Variants in YJU2 observed in about 807,000 individuals in gnomAD.
The protein encoded by YJU2 is YJU2 splicing factor homolog, also known as splicing factor YJU2.
A neutral mutation model predicts 39.6 loss-of-function variants in YJU2; 28 were observed. The observed-to-expected ratio is 0.71, with a 90% CI of 0.52 to 0.97. YJU2 has a LOEUF of 0.97. Ranked by LOEUF, YJU2 falls within the 50% of genes least tolerant of loss-of-function variation. The pLI is 0.00. For synonymous variants in YJU2, 184 were observed against 182.4 expected, an observed-to-expected ratio of 1.01 and a Z score of -0.07; for missense variants, 328 against 430.4, an observed-to-expected ratio of 0.76 and a Z score of 2.11.
chr19:4,256,181 A>AAAAAATATATATATATATAT (rs1001505791), intron 4 of YJU2, among the ~76,000 whole-genome samples: 1 of 125,898 alleles, frequency 7.9e-6, no homozygotes, highest in African/African-American at 3.1e-5. Flanking sequence ...AAAAAAAAAA[A>AAAAAATATATATATATATAT]ATATATATAT....
At position 4,258,233 on chromosome 19, in the gene YJU2, G is replaced by A. The variant is rs535247115; in HGVS notation, c.406-9G>A. 5 of 1,550,680 alleles carry A rather than the reference G, an allele frequency of 3.2e-6. No individual in the cohort carries two copies. The highest frequency in any genetic ancestry group is 3.5e-6 in the Non-Finnish European group (4 of 1,146,744). On this transcript the variant is annotated splice_polypyrimidine_tract_variant and intron_variant, in intron 4 of 7. Transcript: ENST00000262962. ...CATGCACTCAGCCCCGCCGCCCCGC[G>A]CCCGCCAGGTGCTGGAGAACCGGAC...
In YJU2 at chr19:4,247,620, T is replaced by C. The variant is rs1467206427; in HGVS notation, c.24+450T>C. 9.8e-3 allele frequency among the ~76,000 whole-genome samples: 213 copies of C among 21,748 alleles called. 21 individuals are homozygous for C. The highest frequency in any genetic ancestry group is 0.022 in the East Asian group (16 of 742). 14.3% of individuals were successfully genotyped at this position (21,748 alleles called of 152,430 possible). A position where few individuals can be genotyped will look rare whatever the true frequency, so the allele number is the denominator to read the frequency against. ...GTGTGTGTGTGTGTGTGTGTGTGTGTGTGTGTGTGTGTGTGTGTGTGTGTG... is the reference window on the plus strand; with the variant it reads ...GTGTGTGTGTGTGTGTGTGTGTGTGCGTGTGTGTGTGTGTGTGTGTGTGTG... On this transcript the variant is annotated intron_variant, in intron 1 of 7. Transcript: ENST00000262962.
chr19:4,255,727 CAAAAAAAA>C (rs58736061), intron 4 of YJU2, among the ~76,000 whole-genome samples: 4 of 103,744 alleles, frequency 3.9e-5, no homozygotes, highest in African/African-American at 6.1e-5. Flanking sequence ...GATTCTGTGT[CAAAAAAAA>C]AAAAAAAAAA....
intron 5 of YJU2, 107 bp from the exon 6 acceptor site, chr19:4,261,887 C>A (rs1403779069): frequency 1.8e-5 from 21 of 1,146,206 alleles, no homozygotes; most frequent in East Asian, 7.2e-5. Flanking sequence ...TCACTGAGGG[C>A]AGGAAGAGGT....
chr19:4,254,517 T>C, intron 4 of YJU2, 28 bp downstream of exon 4: 2 of 1,549,530 alleles, frequency 1.3e-6, no homozygotes, highest in East Asian at 2.4e-5. Context: ...TAGGTGTTCA[T>C]GGGCGCTGTG....
intron 2 of YJU2, among the ~76,000 whole-genome samples, chr19:4,250,524 G>C (rs928554300): frequency 6.6e-6 from 1 of 152,080 alleles, no homozygotes; most frequent in Non-Finnish European, 1.5e-5. Context: ...GCAAAATACT[G>C]GTGGCGCTGA....
Position 4,268,735 on chromosome 19 carries a change from TC to T in YJU2, c.*41del. On this transcript the variant is annotated 3_prime_UTR_variant, in exon 8 of 8. Coordinates refer to ENST00000262962, the MANE Select transcript of YJU2 (RefSeq NM_018074.6). ...CCCCTCACGGGGTCAAAGTCACACGTCCAGCTTCAGCCACATTGAGGCCAGC... is the reference window on the plus strand; with the variant it reads ...CCCCTCACGGGGTCAAAGTCACACGTCAGCTTCAGCCACATTGAGGCCAGC... The T allele has an allele frequency of 6.9e-7, 1 of 1,445,770 alleles. No homozygotes were observed. Among genetic ancestry groups the T allele is most frequent in the Non-Finnish European group, 9.6e-7 (1 of 1,038,986 alleles). The allele number at this position is 1,445,770 out of a possible 1,614,324, so 89.6% of individuals were successfully genotyped here.
intron 6 of YJU2, among the ~76,000 whole-genome samples, 177 bp from the exon 7 acceptor site, chr19:4,267,447 C>T (rs1340284412): frequency 6.6e-6 from 1 of 152,180 alleles, no homozygotes; most frequent in East Asian, 1.9e-4. Flanking sequence ...GGGCAGAGGC[C>T]TTGAGTGCCA....
chr19:4,254,746 C>G lies in YJU2; in HGVS notation c.405+257C>G, dbSNP rs111791948. 8.7e-3 allele frequency among the ~76,000 whole-genome samples: 1,318 copies of G among 151,720 alleles called. 25 individuals carry two copies. Among genetic ancestry groups the G allele is most frequent in the African/African-American group, 0.031 (1,268 of 41,348 alleles). ...ACCAGCCTGGCCAATGTGGCGAAAC[C>G]CTGTTCCTACTAAAAATTTTAAAAC... On this transcript the variant is annotated intron_variant, in intron 4 of 7. Coordinates refer to ENST00000262962, the MANE Select transcript of YJU2 (RefSeq NM_018074.6).
chr19:4,247,639 GTGTGTGT>G lies in YJU2; in HGVS notation c.24+470_24+476del, dbSNP rs1970938958. On this transcript the variant is annotated intron_variant, in intron 1 of 7. Transcript: ENST00000262962. ...TGTGTGTGTGTGTGTGTGTGTGTGT[GTGTGTGT>G]GTGTGTGTGTGTGTGTGTGTGTGTG... Among the ~76,000 whole-genome samples, 41 of 66,694 alleles carry G rather than the reference GTGTGTGT, an allele frequency of 6.1e-4. 4 individuals carry two copies. Among genetic ancestry groups the G allele is most frequent in the African/African-American group, 8.4e-4 (10 of 11,874 alleles). The allele number at this position is 66,694 out of a possible 152,430, so 43.8% of individuals were successfully genotyped here. A position where few individuals can be genotyped will look rare whatever the true frequency, so the allele number is the denominator to read the frequency against.
At chr19:4,264,483 T>A (rs1247204378) in intron 6 of YJU2, among the ~76,000 whole-genome samples, 1 of 149,642 alleles carries the variant, frequency 6.7e-6, no homozygotes, top group Admixed American at 6.7e-5. Context: ...AATTTTTCTT[T>A]TCTTTCTTTC....
chr19:4,266,781 GA>G (rs1219608820), intron 6 of YJU2, among the ~76,000 whole-genome samples: 35 of 152,218 alleles, frequency 2.3e-4, no homozygotes, highest in Admixed American at 9.8e-4. Context: ...AGGAGTTTGA[GA>G]CCAGCCTGGG....
At chr19:4,251,783 T>C (rs1481330147) in intron 3 of YJU2, among the ~76,000 whole-genome samples, 1 of 151,334 alleles carries the variant, frequency 6.6e-6, no homozygotes, top group Admixed American at 6.6e-5. Context: ...GGTCAGGAGT[T>C]TGAGACCAGC....
At chr19:4,254,604 G>A (rs572164071) in intron 4 of YJU2, 115 bp downstream of exon 4, 1 of 1,410,920 alleles carries the variant, frequency 7.1e-7, no homozygotes, top group Non-Finnish European at 9.4e-7. Flanking sequence ...GGGGTGGGGG[G>A]CGTGGTTGGT....
chr19:4,267,746 C>G lies in YJU2; in HGVS notation c.831C>G (p.Asn277Lys). The G allele has an allele frequency of 6.2e-7, 1 of 1,612,650 alleles. No individual in the cohort carries two copies. Among genetic ancestry groups the G allele is most frequent in the Non-Finnish European group, 8.5e-7 (1 of 1,179,704 alleles). Reference sequence around the variant, plus strand: ...CAAAGGCCGACCCGGACTGCAGCAACGGGCAGCCTCAGGCGGCCCCCACCC... The same window carrying G: ...CAAAGGCCGACCCGGACTGCAGCAAGGGGCAGCCTCAGGCGGCCCCCACCC... ...KKAKADPDCS[N>K]GQPQAAPTPG... The change falls in exon 7 of 8, where the codon AAC becomes AAG. Residue 277 changes from asparagine (N) to lysine (K), a missense_variant. Asn to Lys is a moderately conservative substitution (Grantham distance 94). Coordinates refer to ENST00000262962, the MANE Select transcript of YJU2 (RefSeq NM_018074.6).
intron 3 of YJU2, among the ~76,000 whole-genome samples, chr19:4,252,952 G>T (rs891406096): frequency 6.6e-6 from 1 of 151,734 alleles, no homozygotes; most frequent in Admixed American, 6.6e-5. Context: ...AACTTTTTTT[G>T]AAATACCTGA....
rs894736847 is a variant in YJU2 at position 4,258,235 on chromosome 19, C to A, written c.406-7C>A. 1.3e-6 allele frequency: 2 copies of A among 1,550,972 alleles called. No individual in the cohort carries two copies. The highest frequency in any genetic ancestry group is 1.7e-6 in the Non-Finnish European group (2 of 1,146,866). On this transcript the variant is annotated splice_region_variant and splice_polypyrimidine_tract_variant and intron_variant, in intron 4 of 7. Transcript: ENST00000262962. ...TGCACTCAGCCCCGCCGCCCCGCGC[C>A]CGCCAGGTGCTGGAGAACCGGACCA...
chr19:4,267,852 C>G lies in YJU2; in HGVS notation c.859+78C>G. The G allele has an allele frequency of 3.6e-6, 5 of 1,392,964 alleles. No individual in the cohort carries two copies. In the South Asian group the frequency reaches 6.7e-5, roughly 19 times the overall value. The allele number at this position is 1,392,964 out of a possible 1,614,324, so 86.3% of individuals were successfully genotyped here. A position where few individuals can be genotyped will look rare whatever the true frequency, so the allele number is the denominator to read the frequency against. ...GTGGCAGCAGCTCCCTTTGCAGTTACAGAGACTTCATGGGGTGGGTGGGGG... is the reference window on the plus strand; with the variant it reads ...GTGGCAGCAGCTCCCTTTGCAGTTAGAGAGACTTCATGGGGTGGGTGGGGG... On this transcript the variant is annotated intron_variant, in intron 7 of 7. Transcript: ENST00000262962.
rs57220451 is a variant in YJU2, at chr19:4,258,610, T to A, written c.587+187T>A. Among the ~76,000 whole-genome samples, 832 of 152,288 alleles carry A rather than the reference T, an allele frequency of 5.5e-3. 8 individuals are homozygous for A. The highest frequency in any genetic ancestry group is 0.019 in the African/African-American group (783 of 41,560). On this transcript the variant is annotated intron_variant, in intron 5 of 7. Transcript: ENST00000262962. Reference sequence around the variant, plus strand: ...GGTCCCAGGCCACTGCCGGGCACGGTGACTTAGCACGTGGTCGCCCGCATG... The same window carrying A: ...GGTCCCAGGCCACTGCCGGGCACGGAGACTTAGCACGTGGTCGCCCGCATG...
Sources: allele counts gnomAD v4.1 joint callset (sites outside exome capture counted in the v4.1 genomes callset), GRCh38; gene constraint gnomAD v4.1.1; transcripts MANE v1.5; gene names NCBI Gene and HGNC (gene_info 2026-07-23, HGNC 2026-07-21).